The following BEST4 variants were observed in gnomAD, a reference collection of about 807,000 sequenced individuals.
BEST4 encodes bestrophin-4.
In BEST4, 36 loss-of-function variants were observed where a neutral mutation model predicts 47.1. The ratio of observed to expected loss-of-function variants is 0.76; its 90% CI spans 0.59 to 1.01. The LOEUF (loss-of-function observed/expected upper bound fraction) is 1.01. Ranked by LOEUF, BEST4 falls within the 50% of genes least tolerant of loss-of-function variation. BEST4 has a pLI of 0.00. For synonymous variants in BEST4, 250 were observed against 277.8 expected, an observed-to-expected ratio of 0.90 and a Z score of 1.00; for missense variants, 550 against 648.6, an observed-to-expected ratio of 0.85 and a Z score of 1.65.
At position 44,787,403 on chromosome 1, in the gene BEST4, T is replaced by G; in HGVS notation, c.216A>C (p.Ser72=). Residue 72 remains serine, a synonymous_variant, in exon 2 of 9, where the codon TCA becomes TCC. Transcript: ENST00000372207. ...CAAAGGACAAGGGAATGAGGTCTGC[T>G]GAGCGGTTGCAGTACCGGGCCACCT... is the stretch of plus-strand genomic sequence containing the variant. ...YAQVARYCNR[S]ADLIPLSFVL... The G allele has an allele frequency of 6.2e-7, 1 of 1,614,182 alleles. No homozygotes were observed. The highest frequency in any genetic ancestry group is 8.5e-7 in the Non-Finnish European group (1 of 1,180,018).
At position 44,784,746 on chromosome 1, in the gene BEST4, A is replaced by T; in HGVS notation, c.1031T>A (p.Leu344His). 1.2e-6 allele frequency: 2 copies of T among 1,601,604 alleles called. No individual in the cohort carries two copies. Among genetic ancestry groups the T allele is most frequent in the Non-Finnish European group, 1.7e-6 (2 of 1,173,170 alleles). ...LLSVDEMYQN[L>H]PPAEKDQYWD... ...GTACTGGTCCTTCTCAGCGGGGGGAAGGTTCTGGTACATTTCGTCCACGGA... is the reference window on the plus strand; with the variant it reads ...GTACTGGTCCTTCTCAGCGGGGGGATGGTTCTGGTACATTTCGTCCACGGA... The change falls in exon 8 of 9, where the codon CTT becomes CAT. Residue 344 changes from leucine (L) to histidine (H), a missense_variant. By Grantham distance (99) the Leu-to-His change is moderately conservative. Coordinates refer to ENST00000372207, the MANE Select transcript of BEST4 (RefSeq NM_153274.3). This position sits in a 1 kb window ranked among gnomAD's most constrained non-coding sequence, Gnocchi z 6.2.
chr1:44,786,733 G>C lies in BEST4; in HGVS notation c.248-37C>G. ...CCGTGATAGAGGGAGTAGGAAGGGAGAGTGGAGAGCCTGGGGGTCGGAGCG... is the reference window on the plus strand; with the variant it reads ...CCGTGATAGAGGGAGTAGGAAGGGACAGTGGAGAGCCTGGGGGTCGGAGCG... On this transcript the variant is annotated intron_variant, in intron 2 of 8. Transcript: ENST00000372207. This position sits in a 1 kb window ranked among gnomAD's most constrained non-coding sequence, Gnocchi z 4.9. 1.3e-6 allele frequency: 2 copies of C among 1,500,800 alleles called. No homozygotes were observed. The highest frequency in any genetic ancestry group is 1.8e-6 in the Non-Finnish European group (2 of 1,106,266). 93.0% of individuals were successfully genotyped at this position (1,500,800 alleles called of 1,614,324 possible).
upstream of BEST4, among the ~76,000 whole-genome samples, chr1:44,790,043 G>A (rs1282174591): frequency 6.6e-6 from 1 of 152,164 alleles, no homozygotes; most frequent in East Asian, 1.9e-4. Flanking sequence ...AATCAAGAAC[G>A]CCTAACCTCA....
intron 4 of BEST4, 60 bp from the exon 5 acceptor site, chr1:44,785,736 C>A: frequency 7.0e-7 from 1 of 1,419,792 alleles, no homozygotes; most frequent in Non-Finnish European, 9.7e-7. Flanking sequence ...GGGTGCCCAG[C>A]ACAAACTAGG....
At chr1:44,782,629 CAAAT>C (rs150975645), downstream of BEST4, among the ~76,000 whole-genome samples, 27,783 of 146,474 alleles carry the variant, frequency 0.19, 2,712 homozygotes, top group South Asian at 0.21. Context: ...GATTCCGTCT[CAAAT>C]AAATAAATAA....
chr1:44,784,281 C>G lies in BEST4; in HGVS notation c.1351G>C (p.Gly451Arg), dbSNP rs1379555210. 1 of 1,418,338 alleles carries G rather than the reference C, an allele frequency of 7.1e-7. No individual in the cohort carries two copies. Among genetic ancestry groups the G allele is most frequent in the Non-Finnish European group, 9.1e-7 (1 of 1,097,630 alleles). 87.9% of individuals were successfully genotyped at this position (1,418,338 alleles called of 1,614,324 possible). ...HLLRFRAEEGGDPEAAARIEE... is the reference protein window; with the variant it reads ...HLLRFRAEEGRDPEAAARIEE... Reference sequence around the variant, plus strand: ...ATGCGGGCTGCGGCCTCGGGGTCGCCGCCCTCCTCCGCCCGGAAGCGCAGC... The same window carrying G: ...ATGCGGGCTGCGGCCTCGGGGTCGCGGCCCTCCTCCGCCCGGAAGCGCAGC... The change falls in exon 9 of 9, where the codon GGC (glycine) becomes CGC (arginine). Residue 451 changes from glycine to arginine, a missense_variant. Gly to Arg is a moderately radical substitution (Grantham distance 125). Coordinates refer to ENST00000372207, the MANE Select transcript of BEST4 (RefSeq NM_153274.3). This position sits in a 1 kb window ranked among gnomAD's most constrained non-coding sequence, Gnocchi z 6.2.
chr1:44,788,982 G>A (rs1037303018), upstream of BEST4, among the ~76,000 whole-genome samples: 1 of 152,144 alleles, frequency 6.6e-6, no homozygotes, highest in African/African-American at 2.4e-5. Flanking sequence ...GCCAGGCAAG[G>A]TGGCTCACAC....
At chr1:44,787,339 G>A (rs745783966) in intron 2 of BEST4, 33 bp downstream of exon 2, 1 of 1,607,922 alleles carries the variant, frequency 6.2e-7, no homozygotes, top group Middle Eastern at 1.6e-4. Flanking sequence ...ACACAGTAAG[G>A]GGGACACAGG....
In BEST4 at chr1:44,784,098, G is replaced by T; in HGVS notation, c.*112C>A. ...TTCAAGTTCTGTCCCTAAATGCTCT[G>T]GCCTTCAAGGCACACAGGAAAAGCT... is the stretch of plus-strand genomic sequence containing the variant. On this transcript the variant is annotated 3_prime_UTR_variant, in exon 9 of 9. Transcript: ENST00000372207. This position sits in a 1 kb window ranked among gnomAD's most constrained non-coding sequence, Gnocchi z 6.2. 1 of 1,049,438 alleles carries T rather than the reference G, an allele frequency of 9.5e-7. No homozygotes were observed. Among genetic ancestry groups the T allele is most frequent in the Non-Finnish European group, 1.3e-6 (1 of 789,750 alleles). The allele number at this position is 1,049,438 out of a possible 1,614,324, so 65.0% of individuals were successfully genotyped here.
Position 44,786,485 on chromosome 1 carries a change from G to C in BEST4, c.459C>G (p.Thr153=), listed in dbSNP as rs376337015. ...VSTRVLKRFP[T]MEHVVDAGFM... is the part of the protein sequence containing the mutation. Reference sequence around the variant, plus strand: ...CACCTGCGTCCACCACGTGCTCCATGGTGGGGAAGCGCTTAAGCACGCGGG... The same window carrying C: ...CACCTGCGTCCACCACGTGCTCCATCGTGGGGAAGCGCTTAAGCACGCGGG... The change falls in exon 3 of 9, where the codon ACC becomes ACG. Residue 153 remains threonine (T), a synonymous_variant. Coordinates refer to ENST00000372207, the MANE Select transcript of BEST4 (RefSeq NM_153274.3). This position sits in a 1 kb window ranked among gnomAD's most constrained non-coding sequence, Gnocchi z 4.9. The C allele has an allele frequency of 1.3e-6, 2 of 1,535,972 alleles. No individual in the cohort carries two copies. Among genetic ancestry groups the C allele is most frequent in the African/African-American group, 2.7e-5 (2 of 72,880 alleles).
chr1:44,788,204 C>T (rs1651315696), upstream of BEST4, among the ~76,000 whole-genome samples: 1 of 152,190 alleles, frequency 6.6e-6, no homozygotes, highest in African/African-American at 2.4e-5. Context: ...ACTTAAGTAC[C>T]TCTGCAGTCC....
upstream of BEST4, among the ~76,000 whole-genome samples, chr1:44,788,550 C>A (rs1188796898): frequency 6.6e-6 from 1 of 152,258 alleles, no homozygotes; most frequent in Non-Finnish European, 1.5e-5. Context: ...AAATCCTCAT[C>A]ACAGCACCAT....
Position 44,786,881 on chromosome 1 carries a change from C to T in BEST4, c.248-185G>A, listed in dbSNP as rs1273795644. 6.6e-6 allele frequency among the ~76,000 whole-genome samples: 1 copy of T among 152,182 alleles called. No individual in the cohort carries two copies. Among genetic ancestry groups the T allele is most frequent in the Non-Finnish European group, 1.5e-5 (1 of 68,028 alleles). On this transcript the variant is annotated intron_variant, in intron 2 of 8. Coordinates refer to ENST00000372207, the MANE Select transcript of BEST4 (RefSeq NM_153274.3). The surrounding 1 kb of genome is among the most constrained non-coding windows in gnomAD (Gnocchi z 4.9). The stretch of plus-strand genomic sequence containing the variant: ...AGGAGGGAGGAGGGCAAACTTCCTT[C>T]AGCAGAGGGAAAGTGGGGATTCAAA...
Position 44,786,353 on chromosome 1 carries a change from T to G in BEST4, c.481+110A>C, listed in dbSNP as rs1476785695. 2.8e-6 allele frequency: 4 copies of G among 1,449,464 alleles called. No individual in the cohort carries two copies. In the East Asian group the frequency reaches 9.2e-5, roughly 33 times the overall value. 89.8% of individuals were successfully genotyped at this position (1,449,464 alleles called of 1,614,324 possible). On this transcript the variant is annotated intron_variant, in intron 3 of 8. Transcript: ENST00000372207. The surrounding 1 kb of genome is among the most constrained non-coding windows in gnomAD (Gnocchi z 4.9). The stretch of plus-strand genomic sequence containing the variant: ...CCCAGGACTCGCGGTTCCGCGTTCC[T>G]GTCGCAGTCCAGACCCTTCCCTGGA...
rs770637220 is a variant in BEST4 at position 44,784,816 on chromosome 1, C to T, written c.994-33G>A. ...ACCAGCAAGTTACAAGGATCCTCCT[C>T]TCCTCTCCTTCCCACGGCCGGGCTG... On this transcript the variant is annotated intron_variant, in intron 7 of 8. Transcript: ENST00000372207. This position sits in a 1 kb window ranked among gnomAD's most constrained non-coding sequence, Gnocchi z 6.2. The T allele has an allele frequency of 1.2e-6, 2 of 1,600,280 alleles. No individual in the cohort carries two copies. The highest frequency in any genetic ancestry group is 1.7e-6 in the Non-Finnish European group (2 of 1,172,606).
Position 44,786,663 on chromosome 1 carries a change from C to T in BEST4, c.281G>A (p.Trp94Ter). 1 of 1,551,508 alleles carries T rather than the reference C, an allele frequency of 6.4e-7. No homozygotes were observed. The change falls in exon 3 of 9, where the codon TGG becomes TAG. Residue 94 changes from tryptophan to a stop codon, truncating the protein, a stop_gained. Transcript: ENST00000372207. LOFTEE classifies it high-confidence loss of function. This position sits in a 1 kb window ranked among gnomAD's most constrained non-coding sequence, Gnocchi z 4.9. ...FYVTLVVNRW[W>*]SQYTSIPLPD... ...CAGCGGGATGCTTGTGTACTGGGAC[C>T]ACCAGCGGTTCACCACGAGAGTCAC...
Position 44,786,399 on chromosome 1 carries a change from T to G in BEST4, c.481+64A>C. On this transcript the variant is annotated intron_variant, in intron 3 of 8. Transcript: ENST00000372207. This position sits in a 1 kb window ranked among gnomAD's most constrained non-coding sequence, Gnocchi z 4.9. ...CTGGAGGCCCCTGCTCCCAGGACTC[T>G]CCCAGGCGCCACCTGCATCCGGCTG... 1 of 1,446,180 alleles carries G rather than the reference T, an allele frequency of 6.9e-7. No individual in the cohort carries two copies. The highest frequency in any genetic ancestry group is 9.2e-7 in the Non-Finnish European group (1 of 1,090,650). The allele number at this position is 1,446,180 out of a possible 1,614,324, so 89.6% of individuals were successfully genotyped here. A position where few individuals can be genotyped will look rare whatever the true frequency, so the allele number is the denominator to read the frequency against.
intron 2 of BEST4, 71 bp downstream of exon 2, chr1:44,787,301 G>T: frequency 6.8e-7 from 1 of 1,476,934 alleles, no homozygotes; most frequent in African/African-American, 1.4e-5. Context: ...GACCCTCGGA[G>T]CTGTCAACCC....
rs1321347191 is a variant in BEST4 at position 44,784,722 on chromosome 1, T to TA, written c.1054dup (p.Tyr352LeufsTer4). On this transcript the variant is annotated frameshift_variant, in exon 8 of 9. Transcript: ENST00000372207. LOFTEE classifies it high-confidence loss of function. The surrounding 1 kb of genome is among the most constrained non-coding windows in gnomAD (Gnocchi z 6.2). ...TGGCTGCGGCTGGTCCTCATCCCAGTACTGGTCCTTCTCAGCGGGGGGAAG... is the reference window on the plus strand; with the variant it reads ...TGGCTGCGGCTGGTCCTCATCCCAGTAACTGGTCCTTCTCAGCGGGGGGAAG... The TA allele has an allele frequency of 6.2e-7, 1 of 1,607,614 alleles. No individual in the cohort carries two copies. Among genetic ancestry groups the TA allele is most frequent in the East Asian group, 2.2e-5 (1 of 44,808 alleles).
Sources: allele counts gnomAD v4.1 joint callset (sites outside exome capture counted in the v4.1 genomes callset), GRCh38; gene constraint gnomAD v4.1.1; non-coding constraint Gnocchi (gnomAD v3.1); transcripts MANE v1.5; gene names NCBI Gene and HGNC (gene_info 2026-07-23, HGNC 2026-07-21).